Variants in ADGRL2 observed in about 807,000 individuals in gnomAD.
ADGRL2 encodes the protein adhesion G protein-coupled receptor L2, also known as calcium-independent alpha-latrotoxin receptor 2.
In ADGRL2, 44 loss-of-function variants were observed where a neutral mutation model predicts 157.4. The ratio of observed to expected loss-of-function variants is 0.28; its 90% CI spans 0.22 to 0.36. The LOEUF is 0.36. ADGRL2 is among the 10% of genes least tolerant of loss of function. The pLI, the probability that ADGRL2 is intolerant of heterozygous loss-of-function variation, is 1.00. For missense variants in ADGRL2, 1,510 were observed against 1,768.9 expected, an observed-to-expected ratio of 0.85 and a Z score of 2.63; for synonymous variants, 585 against 624.7, an observed-to-expected ratio of 0.94 and a Z score of 0.95.
At chr1:81,633,831 TC>T (rs1295408409) in intron 3 of ADGRL2, among the ~76,000 whole-genome samples, 1 of 152,108 alleles carries the variant, frequency 6.6e-6, no homozygotes, top group African/African-American at 2.4e-5. Context: ...AACATTTATC[TC>T]TACCACCATT....
At chr1:81,692,184 A>G (rs2083355775) in intron 3 of ADGRL2, among the ~76,000 whole-genome samples, 1 of 152,024 alleles carries the variant, frequency 6.6e-6, no homozygotes, top group African/African-American at 2.4e-5. Context: ...AGGCGGGCAG[A>G]TCACCTGAGG....
chr1:81,571,381 GT>G (rs1338178851), intron 2 of ADGRL2, among the ~76,000 whole-genome samples: 1 of 145,772 alleles, frequency 6.9e-6, no homozygotes, highest in Non-Finnish European at 1.5e-5. Context: ...TTGTATATAT[GT>G]ATATATATGT....
intron 3 of ADGRL2, among the ~76,000 whole-genome samples, chr1:81,646,033 TTC>T (rs960541870): frequency 1.3e-5 from 2 of 152,162 alleles, no homozygotes; most frequent in Non-Finnish European, 2.9e-5. Context: ...AAAATGTTAA[TTC>T]TCATTCATAT....
chr1:81,587,784 T>C (rs1302635707), intron 3 of ADGRL2, among the ~76,000 whole-genome samples: 2 of 151,976 alleles, frequency 1.3e-5, no homozygotes, highest in Non-Finnish European at 2.9e-5. Context: ...TATAGAGAGA[T>C]TGAGAATTGA....
intron 1 of ADGRL2, among the ~76,000 whole-genome samples, chr1:81,833,896 A>G (rs986252284): frequency 2.0e-5 from 3 of 152,214 alleles, no homozygotes; most frequent in African/African-American, 7.2e-5. Flanking sequence ...ATGACAGGGT[A>G]ATAGGATACT....
chr1:81,770,550 T>C (rs1031214308), intron 2 of ADGRL2, among the ~76,000 whole-genome samples: 3 of 152,038 alleles, frequency 2.0e-5, no homozygotes, highest in Non-Finnish European at 1.5e-5. Context: ...CTTGGCTCAC[T>C]GCAACCTCCA....
chr1:81,813,347 C>T (rs56112387), intron 1 of ADGRL2, among the ~76,000 whole-genome samples: 1,905 of 151,670 alleles, frequency 0.013, 17 homozygotes, highest in Non-Finnish European at 0.019. Flanking sequence ...TAAAAAGCTT[C>T]GTTTCTTAAT....
At chr1:81,892,267 A>T (rs184837833) in intron 2 of ADGRL2, among the ~76,000 whole-genome samples, 1 of 152,208 alleles carries the variant, frequency 6.6e-6, no homozygotes, top group Non-Finnish European at 1.5e-5. Context: ...ACTGTAAAAT[A>T]GTTACCCATT....
At chr1:81,680,331 T>A (rs2083084510) in intron 3 of ADGRL2, among the ~76,000 whole-genome samples, 2 of 152,220 alleles carry the variant, frequency 1.3e-5, no homozygotes, top group African/African-American at 4.8e-5. Context: ...TGTTGACAGT[T>A]GCAAAGCAGG....
rs111886646 is a variant in ADGRL2 at position 81,989,919 on chromosome 1, A to G, written c.3656-472A>G. On this transcript the variant is annotated intron_variant, in intron 23 of 23. Coordinates refer to ENST00000686636, the MANE Select transcript of ADGRL2 (RefSeq NM_001366006.2). ...TGCCAGTTATGTGGGTTTATGTTGT[A>G]CATTTGCCTTTCAGTTTTGTATTGT... 1.0e-5 allele frequency: 10 copies of G among 985,416 alleles called. No homozygotes were observed. In the African/African-American group the frequency reaches 1.0e-4, roughly 10 times the overall value. The allele number at this position is 985,416 out of a possible 1,614,324, so 61.0% of individuals were successfully genotyped here. A position where few individuals can be genotyped will look rare whatever the true frequency, so the allele number is the denominator to read the frequency against.
chr1:81,872,446 A>G (rs2093722885), intron 2 of ADGRL2, among the ~76,000 whole-genome samples: 1 of 152,140 alleles, frequency 6.6e-6, no homozygotes, highest in Admixed American at 6.6e-5. Context: ...ATAAGTGACT[A>G]CATTATTGCT....
Position 81,991,417 on chromosome 1 carries a change from G to GA in ADGRL2, c.*275dup, listed in dbSNP as rs1425742116. On this transcript the variant is annotated 3_prime_UTR_variant, in exon 24 of 24. Transcript: ENST00000686636. The stretch of plus-strand genomic sequence containing the variant: ...TTTTAAGATTCTGCTGCTGTTTAGA[G>GA]AAATTGTGAAACAAGCAAAACAAAA... The GA allele has an allele frequency of 1.6e-4, 43 of 271,078 alleles. No homozygotes were observed. Among genetic ancestry groups the GA allele is most frequent in the African/African-American group, 9.0e-4 (41 of 45,690 alleles). 16.8% of individuals were successfully genotyped at this position (271,078 alleles called of 1,614,324 possible). A position where few individuals can be genotyped will look rare whatever the true frequency, so the allele number is the denominator to read the frequency against.
intron 3 of ADGRL2, among the ~76,000 whole-genome samples, chr1:81,624,463 C>T (rs1454139499): frequency 2.6e-5 from 4 of 152,010 alleles, no homozygotes; most frequent in African/African-American, 9.7e-5. Context: ...CGCCTGTAAT[C>T]CCAGCTACCC....
chr1:81,390,160 A>G (rs1414767096), intron 1 of ADGRL2, among the ~76,000 whole-genome samples: 2 of 152,294 alleles, frequency 1.3e-5, no homozygotes, highest in Non-Finnish European at 2.9e-5. Flanking sequence ...CAACCAGAAG[A>G]GTCCTGCTTT....
intron 3 of ADGRL2, among the ~76,000 whole-genome samples, chr1:81,585,053 C>T (rs531243304): frequency 6.6e-6 from 1 of 152,182 alleles, no homozygotes; most frequent in East Asian, 1.9e-4. Context: ...AAAATACTTA[C>T]ATGTTACTTA....
At chr1:81,662,820 G>A (rs559463474) in intron 3 of ADGRL2, among the ~76,000 whole-genome samples, 1 of 152,204 alleles carries the variant, frequency 6.6e-6, no homozygotes, top group South Asian at 2.1e-4. Context: ...CTCCCAAAGT[G>A]CAGGGATTAC....
intron 1 of ADGRL2, among the ~76,000 whole-genome samples, chr1:81,741,184 G>A (rs1242190672): frequency 6.7e-6 from 1 of 149,510 alleles, no homozygotes; most frequent in Non-Finnish European, 1.5e-5. Context: ...GTTGAAGAGT[G>A]AGGCCAAAAT....
chr1:81,693,745 C>T (rs1022908493), intron 3 of ADGRL2, among the ~76,000 whole-genome samples: 2 of 152,132 alleles, frequency 1.3e-5, no homozygotes, highest in Admixed American at 1.3e-4. Flanking sequence ...AACATTAATT[C>T]AAAGTCCAGA....
In ADGRL2 at chr1:81,990,945, C is replaced by G. The variant is rs2149547567; in HGVS notation, c.4210C>G (p.Leu1404Val). 1 of 1,613,980 alleles carries G rather than the reference C, an allele frequency of 6.2e-7. No individual in the cohort carries two copies. Among genetic ancestry groups the G allele is most frequent in the African/African-American group, 1.3e-5 (1 of 75,010 alleles). Residue 1404 changes from leucine (L) to valine (V), a missense_variant, in exon 24 of 24, where the codon CTC becomes GTC. By Grantham distance (32) the Leu-to-Val change is conservative. Transcript: ENST00000686636. ...GAGCAGCCCTGACATGGAAGAAGACCTCTCTCCCTCCAGGAGGAGTGAGAA... is the reference window on the plus strand; with the variant it reads ...GAGCAGCCCTGACATGGAAGAAGACGTCTCTCCCTCCAGGAGGAGTGAGAA... ...PESSPDMEED[L>V]SPSRRSENED...
Sources: allele counts gnomAD v4.1 joint callset (sites outside exome capture counted in the v4.1 genomes callset), GRCh38; gene constraint gnomAD v4.1.1; transcripts MANE v1.5; gene names NCBI Gene and HGNC (gene_info 2026-07-23, HGNC 2026-07-21).